COL4A6: variants seen among roughly 807,000 people sequenced by gnomAD.
The protein encoded by COL4A6 is collagen type IV alpha 6 chain, also known as collagen alpha-6(IV) chain.
COL4A6 carries 59 observed loss-of-function variants against 126.7 expected under a neutral mutation model. The observed-to-expected ratio is 0.47, with a 90% confidence interval of 0.38 to 0.58. The LOEUF is 0.58. COL4A6 is among the 20% of genes least tolerant of loss of function. The pLI is 0.00. For missense variants in COL4A6, 1,285 were observed against 1,337.3 expected (o/e 0.96, Z 0.61); for synonymous variants, 547 against 496.6 (o/e 1.10, Z -1.35).
intron 2 of COL4A6, among the ~76,000 whole-genome samples, chrX:108,366,971 A>G (rs1039524343): frequency 8.9e-6 from 1 of 112,302 alleles, no homozygotes; most frequent in Non-Finnish European, 1.9e-5. Context: ...AAAGCAGCTC[A>G]GGAATTAGAA....
At chrX:108,162,833 C>T in intron 41 of COL4A6, 59 bp downstream of exon 41, 2 of 1,087,365 alleles carry the variant, frequency 1.8e-6, no homozygotes, top group Non-Finnish European at 2.4e-6. Context: ...CCAAGCCAGC[C>T]TCTCAGCCAA....
At chrX:108,297,524 C>T (rs772826791) in intron 3 of COL4A6, among the ~76,000 whole-genome samples, 2 of 110,696 alleles carry the variant, frequency 1.8e-5, no homozygotes, top group South Asian at 7.9e-4. Flanking sequence ...AAAAATGTTC[C>T]CAGACATGGC....
chrX:108,326,357 A>G (rs990127373), intron 2 of COL4A6, among the ~76,000 whole-genome samples: 2 of 112,609 alleles, frequency 1.8e-5, no homozygotes, highest in African/African-American at 6.5e-5. Flanking sequence ...TTTGCATGGC[A>G]AAGTTAATTG....
intron 42 of COL4A6, among the ~76,000 whole-genome samples, chrX:108,160,907 T>G (rs1248770648): frequency 8.9e-6 from 1 of 112,183 alleles, no homozygotes; most frequent in East Asian, 2.8e-4. Flanking sequence ...CGCCCCATTT[T>G]TCAAAGTACA....
Position 108,160,543 on chromosome X carries a change from G to A in COL4A6, c.4445C>T (p.Pro1482Leu), listed in dbSNP as rs2033895639. The stretch of plus-strand genomic sequence containing the variant: ...CACCCACAGCTGGCTCATCCCGATG[G>A]GACACGGGGGCACCTGTTCCGACTG... ...HSQSEQVPPC[P>L]IGMSQLWVGY... The change falls in exon 43 of 45, where the codon CCC (proline) becomes CTC (leucine). Residue 1482 changes from proline (P) to leucine (L), a missense_variant. By Grantham distance (98) the Pro-to-Leu change is moderately conservative (BLOSUM62 -3). Coordinates refer to ENST00000334504, the MANE Select transcript of COL4A6 (RefSeq NM_033641.4). The A allele has an allele frequency of 8.3e-7, 1 of 1,211,192 alleles. No homozygotes were observed. Among genetic ancestry groups the A allele is most frequent in the Non-Finnish European group, 1.1e-6 (1 of 895,188 alleles).
chrX:108,309,718 T>A (rs1413754265), intron 3 of COL4A6, among the ~76,000 whole-genome samples: 3 of 109,182 alleles, frequency 2.7e-5, no homozygotes, highest in African/African-American at 1.0e-4. Context: ...AAGCCCTTAG[T>A]CTTCTTTGAG....
intron 2 of COL4A6, among the ~76,000 whole-genome samples, chrX:108,320,018 C>A (rs186324274): frequency 9.0e-6 from 1 of 111,312 alleles, no homozygotes; most frequent in East Asian, 2.8e-4. Flanking sequence ...GGTGGGAAGG[C>A]AGAATACATA....
chrX:108,229,581 G>A (rs540981916), intron 3 of COL4A6, among the ~76,000 whole-genome samples: 1 of 112,373 alleles, frequency 8.9e-6, no homozygotes, highest in East Asian at 2.8e-4. Context: ...GACCACACTT[G>A]GAGAATCCCT....
chrX:108,383,622 G>T (rs188044383), intron 2 of COL4A6: 23 of 542,388 alleles, frequency 4.2e-5, no homozygotes, highest in Non-Finnish European at 6.0e-5. Context: ...GCCCCAAAAT[G>T]GGGCACTATG....
Position 108,397,300 on chromosome X carries a change from T to C in COL4A6, c.63+40642A>G, listed in dbSNP as rs183918659. Among the ~76,000 whole-genome samples the C allele has an allele frequency of 2.6e-3, 292 of 111,937 alleles. 1 individual carries two copies. The highest frequency in any genetic ancestry group is 0.018 in the Middle Eastern group (4 of 218). On this transcript the variant is annotated intron_variant, in intron 2 of 44. Transcript: ENST00000334504. The stretch of plus-strand genomic sequence containing the variant: ...CTACATAGAAATTATGAATTAGCTA[T>C]GATGGTGATGATCTGTTCTTTGAGG...
At chrX:108,349,253 A>G (rs2039786196) in intron 2 of COL4A6, among the ~76,000 whole-genome samples, 2 of 112,034 alleles carry the variant, frequency 1.8e-5, no homozygotes, top group Non-Finnish European at 1.9e-5. Flanking sequence ...ACCCAAGTTT[A>G]GCTCTTGGCT....
chrX:108,230,511 C>T (rs139028612), intron 3 of COL4A6, among the ~76,000 whole-genome samples: 534 of 111,637 alleles, frequency 4.8e-3, no homozygotes, highest in African/African-American at 0.017. Flanking sequence ...AACTGAAATT[C>T]TCATTTCAGC....
chrX:108,377,775 A>C (rs763883744), intron 2 of COL4A6, among the ~76,000 whole-genome samples: 1 of 107,101 alleles, frequency 9.3e-6, no homozygotes, highest in Admixed American at 1.0e-4. Context: ...TAAAAAAACC[A>C]AAAAATTAGA....
intron 3 of COL4A6, among the ~76,000 whole-genome samples, chrX:108,278,468 G>A (rs1450296887): frequency 9.0e-6 from 1 of 111,135 alleles, no homozygotes; most frequent in African/African-American, 3.3e-5. Flanking sequence ...AACAAACAAA[G>A]CCTCCAAGAA....
At chrX:108,388,791 C>A (rs1418138966) in intron 2 of COL4A6, among the ~76,000 whole-genome samples, 1 of 111,493 alleles carries the variant, frequency 9.0e-6, no homozygotes, top group Non-Finnish European at 1.9e-5. Context: ...TTCTCTAGTT[C>A]TTTTAATTGT....
chrX:108,436,017 G>T (rs772885749), intron 2 of COL4A6, among the ~76,000 whole-genome samples: 1 of 111,543 alleles, frequency 9.0e-6, no homozygotes, highest in Non-Finnish European at 1.9e-5. Flanking sequence ...CGTGCAAAGA[G>T]TGTAAAAGAA....
intron 3 of COL4A6, among the ~76,000 whole-genome samples, chrX:108,247,338 C>T (rs1020722191): frequency 6.2e-5 from 7 of 112,020 alleles, no homozygotes; most frequent in African/African-American, 2.3e-4. Flanking sequence ...ATATAAAGCA[C>T]TTAGAACAAC....
At chrX:108,222,693 C>T (rs1006887331) in intron 3 of COL4A6, among the ~76,000 whole-genome samples, 1 of 111,716 alleles carries the variant, frequency 9.0e-6, no homozygotes, top group Non-Finnish European at 1.9e-5. Flanking sequence ...TTTTCCAATA[C>T]CCAACATGTG....
intron 5 of COL4A6, among the ~76,000 whole-genome samples, chrX:108,215,287 T>C (rs986620631): frequency 8.9e-6 from 1 of 112,300 alleles, no homozygotes; most frequent in Non-Finnish European, 1.9e-5. Context: ...TACAAAAGTG[T>C]GAGTCTAGAC....
Sources: allele counts gnomAD v4.1 joint callset (sites outside exome capture counted in the v4.1 genomes callset), GRCh38; gene constraint gnomAD v4.1.1; transcripts MANE v1.5; gene names NCBI Gene and HGNC (gene_info 2026-07-23, HGNC 2026-07-21).